Variants in DNM3 observed in about 807,000 individuals in gnomAD.
DNM3 encodes dynamin 3.
DNM3 carries 47 observed loss-of-function variants against 101.6 expected under a neutral mutation model. The ratio of observed to expected loss-of-function variants is 0.46; its 90% CI spans 0.37 to 0.59. The LOEUF (loss-of-function observed/expected upper bound fraction) is 0.59. DNM3 is among the 20% of genes least tolerant of loss of function. The probability of loss-of-function intolerance (pLI) is 0.00; values close to 1 mark genes in which losing one functional copy is unlikely to be tolerated. For synonymous variants in DNM3, 385 were observed against 387.9 expected (o/e 0.99, Z 0.09); for missense variants, 849 against 1,085.7 (o/e 0.78, Z 3.06).
In DNM3 at chr1:172,081,855, A is replaced by G. The variant is rs760872768; in HGVS notation, c.1446A>G (p.Gln482=). The change falls in exon 12 of 21, where the codon CAA becomes CAG. Residue 482 remains glutamine, a synonymous_variant. Coordinates refer to ENST00000627582, the MANE Select transcript of DNM3 (RefSeq NM_015569.5). ...KDQVLLLIDI[Q]VSYINTNHED... Reference sequence around the variant, plus strand: ...AGGTATTGCTATTGATTGACATTCAAGTCTCTTACATCAACACCAACCATG... The same window carrying G: ...AGGTATTGCTATTGATTGACATTCAGGTCTCTTACATCAACACCAACCATG... 3 of 1,612,866 alleles carry G rather than the reference A, an allele frequency of 1.9e-6. No individual in the cohort carries two copies. Among genetic ancestry groups the G allele is most frequent in the Non-Finnish European group, 2.5e-6 (3 of 1,179,446 alleles).
chr1:172,112,989 C>T (rs2055591467), intron 13 of DNM3, among the ~76,000 whole-genome samples: 1 of 152,170 alleles, frequency 6.6e-6, no homozygotes, highest in Non-Finnish European at 1.5e-5. Context: ...CAGTAGTTCT[C>T]ATGGCTCCTC....
chr1:172,066,539 T>C (rs1402509465), intron 10 of DNM3, among the ~76,000 whole-genome samples: 1 of 152,056 alleles, frequency 6.6e-6, no homozygotes, highest in Non-Finnish European at 1.5e-5. Context: ...ATTAATCCAC[T>C]CATGATGGCA....
intron 16 of DNM3, among the ~76,000 whole-genome samples, chr1:172,312,781 G>A (rs909742024): frequency 1.3e-5 from 2 of 152,158 alleles, no homozygotes; most frequent in Non-Finnish European, 2.9e-5. Context: ...GAAAGAGAAA[G>A]ACACAAATAA....
Position 172,412,243 on chromosome 1 carries a change from T to C in DNM3, c.*4402T>C, listed in dbSNP as rs7528296. ...TTTTTAATTTTTACTCTTGAATTCC[T>C]TAAACTTCGCTCATTATGAAATGTT... On this transcript the variant is annotated 3_prime_UTR_variant, in exon 21 of 21. Transcript: ENST00000627582. 0.37 allele frequency: 360,172 copies of C among 984,802 alleles called. 69,002 individuals carry two copies. The highest frequency in any genetic ancestry group is 0.51 in the East Asian group (4,528 of 8,794). The allele number at this position is 984,802 out of a possible 1,614,324, so 61.0% of individuals were successfully genotyped here.
chr1:172,071,207 C>A (rs2052163788), intron 11 of DNM3, among the ~76,000 whole-genome samples: 1 of 149,554 alleles, frequency 6.7e-6, no homozygotes, highest in South Asian at 2.1e-4. Flanking sequence ...ATTGCCTTTT[C>A]TGATTCCAAG....
At chr1:172,277,373 C>A (rs2063329974) in intron 15 of DNM3, among the ~76,000 whole-genome samples, 1 of 151,984 alleles carries the variant, frequency 6.6e-6, no homozygotes, top group Non-Finnish European at 1.5e-5. Flanking sequence ...AGGAAAATGG[C>A]AGACTAATTG....
chr1:172,389,162 C>T (rs2069376159), intron 20 of DNM3: 1 of 220,464 alleles, frequency 4.5e-6, no homozygotes, highest in African/African-American at 2.3e-5. Flanking sequence ...ATGAGAGTTC[C>T]ATGGACTAAA....
At chr1:172,164,178 G>T (rs1290305827) in intron 14 of DNM3, among the ~76,000 whole-genome samples, 5 of 149,886 alleles carry the variant, frequency 3.3e-5, no homozygotes, top group African/African-American at 9.8e-5. Context: ...AAAGGGGAGA[G>T]AATTCGTGTT....
intron 14 of DNM3, among the ~76,000 whole-genome samples, chr1:172,216,928 G>C (rs1297008013): frequency 6.6e-6 from 1 of 151,940 alleles, no homozygotes; most frequent in Non-Finnish European, 1.5e-5. Context: ...CTATCATAAT[G>C]GATTCTGGAA....
At chr1:172,158,586 A>G (rs1258421738) in intron 14 of DNM3, among the ~76,000 whole-genome samples, 1 of 152,032 alleles carries the variant, frequency 6.6e-6, no homozygotes, top group Non-Finnish European at 1.5e-5. Context: ...AAACCTAGGC[A>G]GAGGACTTTT....
At chr1:172,257,895 C>T (rs908347634) in intron 15 of DNM3, among the ~76,000 whole-genome samples, 1 of 151,756 alleles carries the variant, frequency 6.6e-6, no homozygotes, top group African/African-American at 2.4e-5. Flanking sequence ...CACACACACA[C>T]ACACACACAC....
intron 20 of DNM3, among the ~76,000 whole-genome samples, chr1:172,389,908 G>C (rs1287036528): frequency 6.6e-6 from 1 of 152,248 alleles, no homozygotes; most frequent in African/African-American, 2.4e-5. Flanking sequence ...GAGATTTGCA[G>C]TCAGAAGACC....
At chr1:172,068,758 G>A in intron 10 of DNM3, 61 bp from the exon 11 acceptor site, 1 of 1,360,256 alleles carries the variant, frequency 7.4e-7, no homozygotes, top group Non-Finnish European at 1.0e-6. Flanking sequence ...ATTTATCTCT[G>A]CTTCTTTTTT....
chr1:172,179,315 A>G (rs2059263974), intron 14 of DNM3, among the ~76,000 whole-genome samples: 1 of 151,980 alleles, frequency 6.6e-6, no homozygotes, highest in African/African-American at 2.4e-5. Context: ...TACTCCCACT[A>G]GTATTTAACT....
intron 16 of DNM3, among the ~76,000 whole-genome samples, chr1:172,320,222 G>A (rs1424110406): frequency 2.7e-5 from 4 of 150,198 alleles, no homozygotes; most frequent in African/African-American, 9.9e-5. Context: ...TCACACTCTG[G>A]GGACTGTTGT....
intron 14 of DNM3, among the ~76,000 whole-genome samples, chr1:172,166,739 T>A (rs1040569017): frequency 1.3e-5 from 2 of 151,846 alleles, no homozygotes; most frequent in Admixed American, 1.3e-4. Context: ...TAATCTCATT[T>A]TTTTATCAAA....
chr1:172,101,795 A>G (rs889170916), intron 13 of DNM3, among the ~76,000 whole-genome samples: 5 of 152,076 alleles, frequency 3.3e-5, no homozygotes, highest in African/African-American at 9.7e-5. Context: ...AAATTTCATC[A>G]AGCATCTCAT....
intron 2 of DNM3, among the ~76,000 whole-genome samples, chr1:171,958,444 G>A (rs1403294728): frequency 6.6e-6 from 1 of 152,222 alleles, no homozygotes; most frequent in Admixed American, 6.5e-5. Flanking sequence ...GGGCTGTGAT[G>A]TTCCTGAAAG....
intron 4 of DNM3, among the ~76,000 whole-genome samples, chr1:172,000,743 G>C (rs2046310137): frequency 6.6e-6 from 1 of 152,048 alleles, no homozygotes. Flanking sequence ...ACCTTGATAA[G>C]AAGGGTTTGG....
Sources: allele counts gnomAD v4.1 joint callset (sites outside exome capture counted in the v4.1 genomes callset), GRCh38; gene constraint gnomAD v4.1.1; transcripts MANE v1.5; gene names NCBI Gene and HGNC (gene_info 2026-07-23, HGNC 2026-07-21).